C1orf21: variants seen among roughly 807,000 people sequenced by gnomAD.
The protein encoded by C1orf21 is chromosome 1 open reading frame 21.
In C1orf21, 3 loss-of-function variants were observed where a neutral mutation model predicts 18.7. The observed-to-expected ratio is 0.16, with a 90% CI of 0.07 to 0.42. The LOEUF is 0.42. Among genes scored for constraint, C1orf21 ranks in the 10% least tolerant of loss-of-function variants. C1orf21 has a pLI of 0.99. For missense variants in C1orf21, 104 were observed against 143.6 expected (o/e 0.72, Z 1.41); for synonymous variants, 41 against 46.4 (o/e 0.88, Z 0.47).
At chr1:184,591,540 C>A (rs1571292921) in intron 4 of C1orf21, among the ~76,000 whole-genome samples, 1 of 152,342 alleles carries the variant, frequency 6.6e-6, no homozygotes, top group East Asian at 1.9e-4. Flanking sequence ...GGCATGGTGG[C>A]TCACGCCTGT....
intron 3 of C1orf21, among the ~76,000 whole-genome samples, chr1:184,515,998 A>C (rs946353639): frequency 2.6e-5 from 4 of 152,060 alleles, no homozygotes; most frequent in Non-Finnish European, 4.4e-5. Context: ...TTTTTAGTAG[A>C]GATGGGGTTT....
At chr1:184,434,333 G>A (rs1656825014) in intron 1 of C1orf21, among the ~76,000 whole-genome samples, 1 of 151,968 alleles carries the variant, frequency 6.6e-6, no homozygotes, top group South Asian at 2.1e-4. Flanking sequence ...TGTCAGGTAG[G>A]GGCTATTATC....
At chr1:184,555,192 G>A (rs1658861157) in intron 3 of C1orf21, among the ~76,000 whole-genome samples, 2 of 152,180 alleles carry the variant, frequency 1.3e-5, no homozygotes. Flanking sequence ...TGTATGGAAT[G>A]AATGAATAAA....
chr1:184,621,741 T>G lies in C1orf21; in HGVS notation c.*2185T>G, dbSNP rs2102014999. ...AGTTTTGACATGTTATACTTGCGCATAGATCCAAGCGTTTCTTGGGAACCT... is the reference window on the plus strand; with the variant it reads ...AGTTTTGACATGTTATACTTGCGCAGAGATCCAAGCGTTTCTTGGGAACCT... On this transcript the variant is annotated 3_prime_UTR_variant, in exon 6 of 6. Transcript: ENST00000235307. 1 of 152,312 alleles carries G rather than the reference T, an allele frequency of 6.6e-6. No individual in the cohort carries two copies. Among genetic ancestry groups the G allele is most frequent in the East Asian group, 1.9e-4 (1 of 5,186 alleles). The allele number at this position is 152,312 out of a possible 1,614,324, so 9.4% of individuals were successfully genotyped here. A position where few individuals can be genotyped will look rare whatever the true frequency, so the allele number is the denominator to read the frequency against.
At chr1:184,501,671 T>C (rs1439183628) in intron 2 of C1orf21, among the ~76,000 whole-genome samples, 1 of 152,176 alleles carries the variant, frequency 6.6e-6, no homozygotes, top group Non-Finnish European at 1.5e-5. Flanking sequence ...GCTTTATAAA[T>C]ATTGTTGAAG....
chr1:184,411,730 G>A (rs926934852), intron 1 of C1orf21, among the ~76,000 whole-genome samples: 3 of 152,126 alleles, frequency 2.0e-5, no homozygotes, highest in Non-Finnish European at 4.4e-5. Flanking sequence ...CCGGTTATGG[G>A]TATTTCTTAA....
intron 1 of C1orf21, among the ~76,000 whole-genome samples, chr1:184,410,632 TATATATATATATATATATATATATATA>T (rs1656323623): frequency 1.2e-3 from 4 of 3,264 alleles, no homozygotes; most frequent in Non-Finnish European, 1.9e-3. Context: ...TATATATATA[TATATATATATATATATATATATATATA>T]TATATTTTTT....
chr1:184,523,880 AC>A (rs1463213260), intron 3 of C1orf21, among the ~76,000 whole-genome samples: 1 of 152,132 alleles, frequency 6.6e-6, no homozygotes, highest in Non-Finnish European at 1.5e-5. Flanking sequence ...ATGAGGATAA[AC>A]CACTTTATGT....
At chr1:184,433,231 A>G (rs994551542) in intron 1 of C1orf21, among the ~76,000 whole-genome samples, 1 of 151,754 alleles carries the variant, frequency 6.6e-6, no homozygotes, top group Non-Finnish European at 1.5e-5. Flanking sequence ...CTAAAACCCT[A>G]GCCATGGAAA....
chr1:184,407,278 C>T, intron 1 of C1orf21, among the ~76,000 whole-genome samples: 1 of 152,140 alleles, frequency 6.6e-6, no homozygotes, highest in African/African-American at 2.4e-5. Flanking sequence ...CCCCATACCT[C>T]CCCCAACCCC....
At chr1:184,469,090 G>GA (rs1009564965) in intron 1 of C1orf21, among the ~76,000 whole-genome samples, 23 of 145,004 alleles carry the variant, frequency 1.6e-4, no homozygotes, top group East Asian at 4.1e-4. Flanking sequence ...CAAAAAAAGA[G>GA]AAAAAAAAAG....
intron 5 of C1orf21, among the ~76,000 whole-genome samples, chr1:184,602,021 A>T (rs2102003992): frequency 6.6e-6 from 1 of 152,354 alleles, no homozygotes; most frequent in African/African-American, 2.4e-5. Context: ...ATAAATAAAT[A>T]GTAAACAGTC....
At chr1:184,394,448 A>G (rs976533054) in intron 1 of C1orf21, among the ~76,000 whole-genome samples, 3 of 152,186 alleles carry the variant, frequency 2.0e-5, no homozygotes, top group African/African-American at 4.8e-5. Context: ...TTTCATACCC[A>G]TCATCATAGA....
intron 3 of C1orf21, among the ~76,000 whole-genome samples, chr1:184,551,788 C>T (rs908999647): frequency 6.6e-6 from 1 of 152,082 alleles, no homozygotes; most frequent in Non-Finnish European, 1.5e-5. Flanking sequence ...GGGAGCATCA[C>T]TCGAGGCTAG....
At chr1:184,494,845 C>CTT (rs569758976) in intron 2 of C1orf21, among the ~76,000 whole-genome samples, 324 of 142,928 alleles carry the variant, frequency 2.3e-3, no homozygotes, top group African/African-American at 6.5e-3. Context: ...TTTGCTTTTG[C>CTT]TTTTTTTTTT....
chr1:184,610,081 C>A (rs1236392643), intron 5 of C1orf21, among the ~76,000 whole-genome samples: 1 of 152,214 alleles, frequency 6.6e-6, no homozygotes, highest in Non-Finnish European at 1.5e-5. Flanking sequence ...TAATTCTGTT[C>A]TCTGGGGCAG....
chr1:184,606,092 T>C (rs1251688483), intron 5 of C1orf21, among the ~76,000 whole-genome samples: 2 of 152,166 alleles, frequency 1.3e-5, no homozygotes, highest in African/African-American at 2.4e-5. Context: ...TGTTCAGGAG[T>C]TAGATTCTTG....
At chr1:184,432,586 G>A (rs766160254) in intron 1 of C1orf21, among the ~76,000 whole-genome samples, 1 of 152,038 alleles carries the variant, frequency 6.6e-6, no homozygotes, top group Non-Finnish European at 1.5e-5. Context: ...GTTGATGGGT[G>A]CAGCAAACCA....
intron 1 of C1orf21, among the ~76,000 whole-genome samples, chr1:184,396,562 G>A (rs964735170): frequency 6.6e-6 from 1 of 152,174 alleles, no homozygotes. Context: ...TTTCTGGTGT[G>A]TATGCTCTCT....
Sources: allele counts gnomAD v4.1 joint callset (sites outside exome capture counted in the v4.1 genomes callset), GRCh38; gene constraint gnomAD v4.1.1; transcripts MANE v1.5; gene names NCBI Gene and HGNC (gene_info 2026-07-23, HGNC 2026-07-21).